ARSJ: variants seen among roughly 807,000 people sequenced by gnomAD.
The protein encoded by ARSJ is arylsulfatase J.
A neutral mutation model predicts 35.9 loss-of-function variants in ARSJ; 26 were observed. The observed-to-expected ratio is 0.72, with a 90% CI of 0.53 to 1.00. ARSJ has a LOEUF of 1.00. ARSJ is among the 50% of genes least tolerant of loss of function. ARSJ has a pLI of 0.00. For synonymous variants in ARSJ, 294 were observed against 267.6 expected (o/e 1.10, Z -0.96); for missense variants, 667 against 723.6 (o/e 0.92, Z 0.90).
At chr4:113,936,223 G>A (rs964708676) in intron 1 of ARSJ, among the ~76,000 whole-genome samples, 2 of 151,918 alleles carry the variant, frequency 1.3e-5, no homozygotes, top group African/African-American at 2.4e-5. Context: ...GCATGGCAGA[G>A]TGGAGAAGAC....
intron 1 of ARSJ, among the ~76,000 whole-genome samples, chr4:113,950,577 G>A (rs960556076): frequency 1.3e-5 from 2 of 151,974 alleles, no homozygotes; most frequent in Non-Finnish European, 2.9e-5. Context: ...ATAAGATGAG[G>A]GAAAGGGAAG....
At chr4:113,918,370 TTA>T (rs1322643007) in intron 1 of ARSJ, among the ~76,000 whole-genome samples, 1 of 152,190 alleles carries the variant, frequency 6.6e-6, no homozygotes, top group Admixed American at 6.5e-5. Context: ...CATAAAATAT[TTA>T]TGTTATGTGT....
chr4:113,971,554 A>G (rs1727250719), intron 1 of ARSJ, among the ~76,000 whole-genome samples: 1 of 152,204 alleles, frequency 6.6e-6, no homozygotes, highest in African/African-American at 2.4e-5. Flanking sequence ...CTCTTTGTCA[A>G]ATGGTTTGAC....
At position 113,921,082 on chromosome 4, in the gene ARSJ, T is replaced by TACACAC. The variant is rs746326993; in HGVS notation, c.399-17413_399-17408dup. The stretch of plus-strand genomic sequence containing the variant: ...GTATATTGTTTATAATTCCCTGAAA[T>TACACAC]ACACACACACACACACACACACACA... On this transcript the variant is annotated intron_variant, in intron 1 of 1. Transcript: ENST00000315366. 3.0e-3 allele frequency among the ~76,000 whole-genome samples: 392 copies of TACACAC among 129,658 alleles called. 2 individuals carry two copies. The highest frequency in any genetic ancestry group is 0.01 in the African/African-American group (374 of 37,076). 85.1% of individuals were successfully genotyped at this position (129,658 alleles called of 152,430 possible). A position where few individuals can be genotyped will look rare whatever the true frequency, so the allele number is the denominator to read the frequency against.
At chr4:113,948,042 A>G (rs757185604) in intron 1 of ARSJ, among the ~76,000 whole-genome samples, 38 of 152,082 alleles carry the variant, frequency 2.5e-4, no homozygotes, top group Non-Finnish European at 4.9e-4. Flanking sequence ...TACAAAAATT[A>G]GCAGAGTGTG....
At chr4:113,967,799 C>T (rs943463392) in intron 1 of ARSJ, among the ~76,000 whole-genome samples, 9 of 152,116 alleles carry the variant, frequency 5.9e-5, no homozygotes, top group African/African-American at 1.4e-4. Context: ...TAAATCAAAA[C>T]ATTCCTCTTA....
At position 113,902,534 on chromosome 4, in the gene ARSJ, C is replaced by T. The variant is rs1045883; in HGVS notation, c.1540G>A (p.Gly514Arg). 146 of 1,614,130 alleles carry T rather than the reference C, an allele frequency of 9.0e-5. 1 individual carries two copies. The African/African-American group carries it at 1.1e-3, about 12-fold the overall frequency. The change falls in exon 2 of 2, where the codon GGA becomes AGA. Residue 514 changes from glycine to arginine, a missense_variant. Coordinates refer to ENST00000315366, the MANE Select transcript of ARSJ (RefSeq NM_024590.4). ...ERVDLSNRYP[G>R]IVKKLLRRLS... Reference sequence around the variant, plus strand: ...CTCCGTAGGAGCTTCTTCACGATTCCTGGATACCTGTTAGATAGGTCCACC... The same window carrying T: ...CTCCGTAGGAGCTTCTTCACGATTCTTGGATACCTGTTAGATAGGTCCACC...
chr4:113,930,026 G>GTC (rs1724328682), intron 1 of ARSJ, among the ~76,000 whole-genome samples: 1 of 151,994 alleles, frequency 6.6e-6, no homozygotes, highest in Non-Finnish European at 1.5e-5. Flanking sequence ...GCATTTTTGG[G>GTC]TCTAATCATA....
chr4:113,947,444 T>C (rs1305929434), intron 1 of ARSJ, among the ~76,000 whole-genome samples: 3 of 150,750 alleles, frequency 2.0e-5, no homozygotes, highest in African/African-American at 7.3e-5. Flanking sequence ...TCTGCAGTTG[T>C]ACTCCAGCCT....
At position 113,906,752 on chromosome 4, in the gene ARSJ, A is replaced by G. The variant is rs191584525; in HGVS notation, c.399-3077T>C. The G allele has an allele frequency of 2.6e-5, 12 of 456,138 alleles. No homozygotes were observed. The East Asian group carries it at 4.2e-4, about 16-fold the overall frequency. The allele number at this position is 456,138 out of a possible 1,614,324, so 28.3% of individuals were successfully genotyped here. ...TGATCCTCAGTTTCCTCATCTGTAA[A>G]ATAGGGATAATAATACATATTGGGT... On this transcript the variant is annotated intron_variant, in intron 1 of 1. Coordinates refer to ENST00000315366, the MANE Select transcript of ARSJ (RefSeq NM_024590.4).
intron 1 of ARSJ, among the ~76,000 whole-genome samples, chr4:113,952,849 A>C (rs1725948744): frequency 6.6e-6 from 1 of 152,102 alleles, no homozygotes. Flanking sequence ...GTTGGAAGAC[A>C]CATCAATGAC....
chr4:113,954,668 T>C (rs1726057378), intron 1 of ARSJ, among the ~76,000 whole-genome samples: 4 of 152,038 alleles, frequency 2.6e-5, no homozygotes, highest in Admixed American at 6.6e-5. Context: ...AAGGAACCAA[T>C]AGGTGATAAT....
intron 1 of ARSJ, among the ~76,000 whole-genome samples, chr4:113,922,115 T>C (rs968611793): frequency 3.3e-5 from 5 of 152,128 alleles, no homozygotes; most frequent in African/African-American, 1.2e-4. Flanking sequence ...AAGAACATTT[T>C]AAAAATCAAG....
chr4:113,901,851 ATGCTACCCTGTAAC>A lies in ARSJ; in HGVS notation c.*409_*422del. 1.0e-5 allele frequency: 2 copies of A among 194,550 alleles called. No individual in the cohort carries two copies. Among genetic ancestry groups the A allele is most frequent in the Non-Finnish European group, 2.1e-5 (2 of 93,360 alleles). The allele number at this position is 194,550 out of a possible 1,614,324, so 12.1% of individuals were successfully genotyped here. ...TAATTTATCAAAGGTAGTTTTAATC[ATGCTACCCTGTAAC>A]TTCCATCAAATTAGCATGCTTGCGG... On this transcript the variant is annotated 3_prime_UTR_variant, in exon 2 of 2. Coordinates refer to ENST00000315366, the MANE Select transcript of ARSJ (RefSeq NM_024590.4).
At chr4:113,922,334 CACTT>C (rs1237765623) in intron 1 of ARSJ, among the ~76,000 whole-genome samples, 12 of 152,118 alleles carry the variant, frequency 7.9e-5, no homozygotes, top group Admixed American at 4.6e-4. Context: ...TGTAATTTAA[CACTT>C]AATTTTCATA....
At position 113,923,208 on chromosome 4, in the gene ARSJ, T is replaced by C. The variant is rs533103913; in HGVS notation, c.399-19533A>G. Among the ~76,000 whole-genome samples the C allele has an allele frequency of 5.5e-4, 84 of 152,318 alleles. 2 individuals are homozygous for C. In the South Asian group the frequency reaches 6.2e-3, roughly 11 times the overall value. On this transcript the variant is annotated intron_variant, in intron 1 of 1. Transcript: ENST00000315366. Reference sequence around the variant, plus strand: ...TAAAATAAATTTCTTTCTTTCTGTTTATATACATCCTGCTGTTCTCTTTCT... The same window carrying C: ...TAAAATAAATTTCTTTCTTTCTGTTCATATACATCCTGCTGTTCTCTTTCT...
At chr4:113,965,701 A>C (rs901577299) in intron 1 of ARSJ, among the ~76,000 whole-genome samples, 1 of 152,140 alleles carries the variant, frequency 6.6e-6, no homozygotes, top group Non-Finnish European at 1.5e-5. Context: ...AATTGCTATT[A>C]ACAAGACTTT....
At position 113,958,417 on chromosome 4, in the gene ARSJ, C is replaced by G. The variant is rs1311191329; in HGVS notation, c.398+20020G>C. On this transcript the variant is annotated intron_variant, in intron 1 of 1. Coordinates refer to ENST00000315366, the MANE Select transcript of ARSJ (RefSeq NM_024590.4). ...GCATTATCAATATTATGACTAAAGA[C>G]AGCATGGTGTCTAATGTTCACCTAT... Among the ~76,000 whole-genome samples the G allele has an allele frequency of 4.6e-5, 7 of 152,148 alleles. No individual in the cohort carries two copies. In the South Asian group the frequency reaches 1.0e-3, roughly 23 times the overall value.
intron 1 of ARSJ, among the ~76,000 whole-genome samples, chr4:113,937,240 T>A (rs771669491): frequency 6.6e-6 from 1 of 151,948 alleles, no homozygotes; most frequent in Non-Finnish European, 1.5e-5. Flanking sequence ...TGACCACGAA[T>A]AATTGTTCAA....
Sources: gnomAD v4.1 joint callset for allele counts (sites outside exome capture counted in the v4.1 genomes callset) on GRCh38, gnomAD v4.1.1 for gene constraint, MANE v1.5 for transcripts, NCBI Gene and HGNC (gene_info 2026-07-23, HGNC 2026-07-21) for gene names.